CHSY3: variants seen among roughly 807,000 people sequenced by gnomAD.
CHSY3 encodes chondroitin sulfate synthase 3, also known as N-acetylgalactosaminyl-proteoglycan 3-beta-glucuronosyltransferase 3.
Under a neutral mutation model 67.2 loss-of-function variants are expected in CHSY3, and 35 were observed. The observed-to-expected ratio is 0.52, with a 90% CI of 0.40 to 0.69. The LOEUF (loss-of-function observed/expected upper bound fraction) is 0.69, where lower values mean the gene tolerates loss of function less well. CHSY3 is among the 30% of genes least tolerant of loss of function. The probability of loss-of-function intolerance (pLI) is 0.00; values close to 1 mark genes in which losing one functional copy is unlikely to be tolerated. For synonymous variants in CHSY3, 474 were observed against 434.7 expected (o/e 1.09, Z -1.12); for missense variants, 1,069 against 1,138.5 (o/e 0.94, Z 0.88).
At chr5:129,999,011 A>G (rs1420770228) in intron 2 of CHSY3, among the ~76,000 whole-genome samples, 3 of 152,024 alleles carry the variant, frequency 2.0e-5, no homozygotes, top group Admixed American at 6.6e-5. Context: ...ATTAGGTTAA[A>G]TATTGTACCA....
chr5:130,136,529 A>T (rs374797462), intron 2 of CHSY3, among the ~76,000 whole-genome samples: 12 of 151,802 alleles, frequency 7.9e-5, no homozygotes, highest in African/African-American at 2.7e-4. Flanking sequence ...CTACTGAAAT[A>T]GTCCAGGCAT....
chr5:130,005,379 C>T (rs1763846490), intron 2 of CHSY3, among the ~76,000 whole-genome samples: 1 of 151,860 alleles, frequency 6.6e-6, no homozygotes, highest in Admixed American at 6.6e-5. Context: ...TGCGCCACTG[C>T]ACTCCAGCCT....
At chr5:129,913,128 A>G (rs1377266006) in intron 2 of CHSY3, among the ~76,000 whole-genome samples, 1 of 152,182 alleles carries the variant, frequency 6.6e-6, no homozygotes. Flanking sequence ...TTTGGCACAT[A>G]GAGTATTTTA....
At chr5:130,006,283 A>G (rs946652049) in intron 2 of CHSY3, among the ~76,000 whole-genome samples, 1 of 152,202 alleles carries the variant, frequency 6.6e-6, no homozygotes. Context: ...ATGTTAGGAC[A>G]TAGTAAGATG....
chr5:129,984,243 A>C (rs1185319508), intron 2 of CHSY3, among the ~76,000 whole-genome samples: 2 of 152,070 alleles, frequency 1.3e-5, no homozygotes, highest in Non-Finnish European at 2.9e-5. Context: ...ATGTGTACTC[A>C]ATGTTTAGCT....
At chr5:130,184,114 A>G (rs1464239101) in intron 2 of CHSY3, 115 bp from the exon 3 acceptor site, 1 of 989,828 alleles carries the variant, frequency 1.0e-6, no homozygotes, top group Non-Finnish European at 1.3e-6. Flanking sequence ...TTGTTATGAA[A>G]TACCATACCA....
chr5:129,998,732 A>G (rs924276760), intron 2 of CHSY3, among the ~76,000 whole-genome samples: 1 of 151,920 alleles, frequency 6.6e-6, no homozygotes, highest in African/African-American at 2.4e-5. Flanking sequence ...TTTCAAATCT[A>G]TGTATTTTTT....
At chr5:130,020,060 C>G (rs1764321522) in intron 2 of CHSY3, among the ~76,000 whole-genome samples, 1 of 152,156 alleles carries the variant, frequency 6.6e-6, no homozygotes. Context: ...TATACTTTCT[C>G]TACAATGTTG....
rs192118602 is a variant in CHSY3 at position 130,120,049 on chromosome 5, A to G, written c.1087-64180A>G. Reference sequence around the variant, plus strand: ...TATACACATTTAAACATTAAATTTAAAAAGCATAAATTAAACTATCAAACC... The same window carrying G: ...TATACACATTTAAACATTAAATTTAGAAAGCATAAATTAAACTATCAAACC... On this transcript the variant is annotated intron_variant, in intron 2 of 2. Coordinates refer to ENST00000305031, the MANE Select transcript of CHSY3 (RefSeq NM_175856.5). Among the ~76,000 whole-genome samples the G allele has an allele frequency of 3.9e-3, 595 of 152,328 alleles. 6 individuals carry two copies. Among genetic ancestry groups the G allele is most frequent in the Non-Finnish European group, 5.5e-3 (377 of 68,036 alleles).
At chr5:130,169,002 G>A (rs376411242) in intron 2 of CHSY3, among the ~76,000 whole-genome samples, 29 of 152,230 alleles carry the variant, frequency 1.9e-4, no homozygotes, top group African/African-American at 5.3e-4. Context: ...ATATAGCTGC[G>A]AGTAGGAGAG....
In CHSY3 at chr5:130,184,686, G is replaced by A. The variant is rs768317088; in HGVS notation, c.1544G>A (p.Arg515Gln). 17 of 1,606,802 alleles carry A rather than the reference G, an allele frequency of 1.1e-5. No homozygotes were observed. In the East Asian group the frequency reaches 3.1e-4, roughly 29 times the overall value. ...MINENAKSRG[R>Q]LIDFKEIQYG... Reference sequence around the variant, plus strand: ...AATGAGAATGCCAAGAGCAGAGGACGGCTCATTGACTTCAAGGAAATTCAG... The same window carrying A: ...AATGAGAATGCCAAGAGCAGAGGACAGCTCATTGACTTCAAGGAAATTCAG... Residue 515 changes from arginine to glutamine, a missense_variant, in exon 3 of 3, where the codon CGG becomes CAG. This residue lies in a region of CHSY3 where 401 missense variants were observed against 395.2 expected (regional missense o/e 1.01). Transcript: ENST00000305031.
intron 2 of CHSY3, among the ~76,000 whole-genome samples, chr5:130,133,830 A>G (rs1768571951): frequency 6.8e-6 from 1 of 146,660 alleles, no homozygotes; most frequent in Admixed American, 6.8e-5. Context: ...CCTAAGAGAG[A>G]GAGCAGCAAA....
chr5:130,129,868 A>C (rs530194210), intron 2 of CHSY3, among the ~76,000 whole-genome samples: 1 of 152,256 alleles, frequency 6.6e-6, no homozygotes, highest in African/African-American at 2.4e-5. Flanking sequence ...AGTTCTCTAA[A>C]AGCCGTCAAG....
At chr5:130,040,255 A>G (rs2149664873) in intron 2 of CHSY3, among the ~76,000 whole-genome samples, 1 of 152,196 alleles carries the variant, frequency 6.6e-6, no homozygotes, top group East Asian at 1.9e-4. Flanking sequence ...TCCTGGAAAC[A>G]CAAAGTAACT....
intron 2 of CHSY3, among the ~76,000 whole-genome samples, chr5:129,937,359 C>A (rs1561463210): frequency 6.6e-6 from 1 of 152,102 alleles, no homozygotes; most frequent in Non-Finnish European, 1.5e-5. Flanking sequence ...CAGGAGACAG[C>A]AAGGGGGAAG....
chr5:130,145,301 T>G (rs1163201688), intron 2 of CHSY3, among the ~76,000 whole-genome samples: 1 of 152,150 alleles, frequency 6.6e-6, no homozygotes, highest in African/African-American at 2.4e-5. Flanking sequence ...CACACAGCTA[T>G]GTCTAACTGA....
chr5:130,160,264 A>G (rs1441271167), intron 2 of CHSY3, among the ~76,000 whole-genome samples: 1 of 152,206 alleles, frequency 6.6e-6, no homozygotes, highest in Non-Finnish European at 1.5e-5. Context: ...CTGACTCCCA[A>G]TACTTGCCTT....
intron 2 of CHSY3, among the ~76,000 whole-genome samples, chr5:130,092,850 G>A (rs1377322640): frequency 6.6e-6 from 1 of 152,148 alleles, no homozygotes; most frequent in Admixed American, 6.5e-5. Flanking sequence ...AGGAAAACAG[G>A]AATTAGGGAG....
At chr5:129,992,612 A>T (rs538624892) in intron 2 of CHSY3, among the ~76,000 whole-genome samples, 1 of 152,296 alleles carries the variant, frequency 6.6e-6, no homozygotes, top group South Asian at 2.1e-4. Flanking sequence ...AAGCTGGAAA[A>T]CAATCTTGAT....
Sources: allele counts gnomAD v4.1 joint callset (sites outside exome capture counted in the v4.1 genomes callset), GRCh38; gene constraint gnomAD v4.1.1; regional missense constraint gnomAD v4.1.1; transcripts MANE v1.5; gene names NCBI Gene and HGNC (gene_info 2026-07-23, HGNC 2026-07-21).